The following ROBO1 variants were observed in gnomAD, a reference collection of about 807,000 sequenced individuals.
ROBO1 encodes the protein roundabout guidance receptor 1.
In ROBO1, 149 loss-of-function variants were observed where a neutral mutation model predicts 195.9. That is an observed-to-expected ratio of 0.76 (90% CI 0.67 to 0.87). The LOEUF is 0.87. ROBO1 is among the 40% of genes least tolerant of loss of function. The pLI is 0.00. For missense variants in ROBO1, 1,933 were observed against 2,068.3 expected (o/e 0.93, Z 1.27); for synonymous variants, 816 against 733.2 (o/e 1.11, Z -1.82).
At chr3:79,020,801 CA>C (rs1016984905) in intron 3 of ROBO1, among the ~76,000 whole-genome samples, 13 of 151,678 alleles carry the variant, frequency 8.6e-5, no homozygotes, top group African/African-American at 2.2e-4. Flanking sequence ...ACCATAACTT[CA>C]AAAAAAATTA....
chr3:79,368,011 C>A (rs561335334), intron 2 of ROBO1, among the ~76,000 whole-genome samples: 3 of 151,994 alleles, frequency 2.0e-5, no homozygotes, highest in African/African-American at 7.3e-5. Flanking sequence ...GTATGATCTC[C>A]GCTCACTGCA....
At position 78,938,857 on chromosome 3, in the gene ROBO1, T is replaced by G; in HGVS notation, c.243A>C (p.Lys81Asn). Residue 81 changes from lysine to asparagine, a missense_variant, in exon 4 of 31, where the codon AAA becomes AAC. Physicochemically the swap from Lys to Asn is moderately conservative, Grantham distance 94. This residue lies in a region of ROBO1 where 185 missense variants were observed against 159.5 expected (regional missense o/e 1.16). Coordinates refer to ENST00000464233, the MANE Select transcript of ROBO1 (RefSeq NM_002941.4). ...VEHPSDLIVS[K>N]GEPATLNCKA... ...TGCAGTTCAAAGTTGCAGGTTCTCC[T>G]TTTGAGACAATCAGGTCTGAAGGGT... is the stretch of plus-strand genomic sequence containing the variant. 1 of 1,614,036 alleles carries G rather than the reference T, an allele frequency of 6.2e-7. No homozygotes were observed.
intron 3 of ROBO1, among the ~76,000 whole-genome samples, chr3:79,106,487 T>C (rs1001875810): frequency 2.6e-5 from 4 of 151,674 alleles, no homozygotes; most frequent in Admixed American, 2.0e-4. Flanking sequence ...CTCTGAACTA[T>C]AGAAATACCT....
chr3:78,606,126 T>C (rs1703446172), intron 29 of ROBO1, among the ~76,000 whole-genome samples: 1 of 152,238 alleles, frequency 6.6e-6, no homozygotes, highest in Non-Finnish European at 1.5e-5. Context: ...GGCTCACAAA[T>C]GCCCTTGTTA....
intron 3 of ROBO1, among the ~76,000 whole-genome samples, chr3:79,106,140 T>C (rs1050920138): frequency 7.9e-5 from 12 of 151,772 alleles, no homozygotes; most frequent in African/African-American, 2.9e-4. Flanking sequence ...AACAATGATT[T>C]CTTTTTAAAC....
At chr3:79,470,644 C>T (rs545381783) in intron 2 of ROBO1, among the ~76,000 whole-genome samples, 2 of 152,168 alleles carry the variant, frequency 1.3e-5, no homozygotes, top group South Asian at 4.2e-4. Flanking sequence ...ATCATGGGGG[C>T]AGTTTCCCTC....
chr3:78,961,237 A>AC (rs1193322185), intron 3 of ROBO1, among the ~76,000 whole-genome samples: 1 of 152,040 alleles, frequency 6.6e-6, no homozygotes, highest in African/African-American at 2.4e-5. Context: ...ACAATTGTAA[A>AC]TTTTTCATAC....
chr3:78,835,760 G>A (rs541507530), intron 4 of ROBO1, among the ~76,000 whole-genome samples: 2 of 152,140 alleles, frequency 1.3e-5, no homozygotes, highest in African/African-American at 4.8e-5. Flanking sequence ...TAGTAAGACC[G>A]CCAAATTGAA....
intron 2 of ROBO1, among the ~76,000 whole-genome samples, chr3:79,548,761 G>A (rs989102106): frequency 1.3e-5 from 2 of 152,162 alleles, no homozygotes; most frequent in African/African-American, 4.8e-5. Flanking sequence ...CTGAGTATGA[G>A]TTCTTGATGC....
At chr3:79,744,141 A>G (rs1366079013) in intron 1 of ROBO1, among the ~76,000 whole-genome samples, 1 of 152,150 alleles carries the variant, frequency 6.6e-6, no homozygotes, top group Non-Finnish European at 1.5e-5. Context: ...CACCATAAAC[A>G]AGTGAGTAAT....
At chr3:79,263,720 G>A (rs2082982429) in intron 2 of ROBO1, among the ~76,000 whole-genome samples, 1 of 151,926 alleles carries the variant, frequency 6.6e-6, no homozygotes, top group Non-Finnish European at 1.5e-5. Context: ...TCCATCATCA[G>A]TCTTCCTGTT....
rs575684463 is a variant in ROBO1, at chr3:78,963,457, A to AT, written c.173-24531dup. Among the ~76,000 whole-genome samples the AT allele has an allele frequency of 2.1e-4, 13 of 62,154 alleles. No individual in the cohort carries two copies. The South Asian group carries it at 3.5e-3, about 17-fold the overall frequency. 40.8% of individuals were successfully genotyped at this position (62,154 alleles called of 152,430 possible). ...GTTTTGTGTTTATAAACATATATGC[A>AT]TTTTTTTTAGAGAGAAGATCCAGAG... On this transcript the variant is annotated intron_variant, in intron 3 of 30. Transcript: ENST00000464233.
chr3:78,659,866 G>A (rs1707276257), intron 16 of ROBO1, 59 bp from the exon 17 acceptor site: 34 of 1,400,940 alleles, frequency 2.4e-5, no homozygotes, highest in Non-Finnish European at 3.2e-5. Flanking sequence ...CTGAAAGCAG[G>A]TAATTAATAT....
chr3:78,659,849 G>C (rs757687795), intron 16 of ROBO1, 42 bp from the exon 17 acceptor site: 17 of 1,537,270 alleles, frequency 1.1e-5, no homozygotes, highest in African/African-American at 2.8e-5. Flanking sequence ...GAATGTGCTA[G>C]AGAACACTGA....
chr3:79,184,684 G>A (rs1188905632), intron 2 of ROBO1, among the ~76,000 whole-genome samples: 1 of 152,142 alleles, frequency 6.6e-6, no homozygotes, highest in Admixed American at 6.5e-5. Flanking sequence ...TCAAGTTGTT[G>A]CATTAAGGAA....
At chr3:78,753,049 C>G (rs1001776515) in intron 4 of ROBO1, among the ~76,000 whole-genome samples, 1 of 152,044 alleles carries the variant, frequency 6.6e-6, no homozygotes, top group African/African-American at 2.4e-5. Context: ...ATTGTACATT[C>G]TGAAAATCTG....
At chr3:79,182,013 G>A (rs974456745) in intron 2 of ROBO1, among the ~76,000 whole-genome samples, 113 of 150,332 alleles carry the variant, frequency 7.5e-4, no homozygotes, top group African/African-American at 2.7e-3. Flanking sequence ...TATTTATAAT[G>A]TGGTATTGGA....
In ROBO1 at chr3:79,227,764, GAAAC is replaced by G. The variant is rs1317793014; in HGVS notation, c.89-102229_89-102226del. On this transcript the variant is annotated intron_variant, in intron 2 of 30. Coordinates refer to ENST00000464233, the MANE Select transcript of ROBO1 (RefSeq NM_002941.4). ...TATGCTCAATTCAGGTAATGTCAAA[GAAAC>G]AAACGGGTCAATATACTTTATGGGT... Among the ~76,000 whole-genome samples the G allele has an allele frequency of 7.9e-5, 12 of 152,098 alleles. 1 individual carries two copies. In the South Asian group the frequency reaches 1.7e-3, roughly 21 times the overall value.
chr3:78,935,387 A>G (rs1322521791), intron 4 of ROBO1, among the ~76,000 whole-genome samples: 3 of 152,148 alleles, frequency 2.0e-5, no homozygotes, highest in East Asian at 1.9e-4. Flanking sequence ...ATGTTCTACA[A>G]TGGAAAACAT....
Sources: allele counts gnomAD v4.1 joint callset (sites outside exome capture counted in the v4.1 genomes callset), GRCh38; gene constraint gnomAD v4.1.1; regional missense constraint gnomAD v4.1.1; transcripts MANE v1.5; gene names NCBI Gene and HGNC (gene_info 2026-07-23, HGNC 2026-07-21).